METTL15: variants seen among roughly 807,000 people sequenced by gnomAD.
METTL15 encodes the protein methyltransferase 15, mitochondrial 12S rRNA N4-cytidine.
METTL15 carries 34 observed loss-of-function variants against 38.3 expected under a neutral mutation model. The ratio of observed to expected loss-of-function variants is 0.89; its 90% CI spans 0.68 to 1.18. The LOEUF (loss-of-function observed/expected upper bound fraction) is 1.18. METTL15 is among the 50% of genes most tolerant of loss of function. The pLI is 0.00. For missense variants in METTL15, 438 were observed against 498.4 expected (o/e 0.88, Z 1.15); for synonymous variants, 162 against 170.9 (o/e 0.95, Z 0.41).
At chr11:28,361,108 C>G (rs1213062049) in intron 4 of METTL15, among the ~76,000 whole-genome samples, 2 of 150,878 alleles carry the variant, frequency 1.3e-5, no homozygotes, top group Non-Finnish European at 3.0e-5. Context: ...TGAATAGTGC[C>G]GCAATAAACA....
At chr11:28,439,094 G>A (rs1851010402) in intron 6 of METTL15, among the ~76,000 whole-genome samples, 1 of 151,748 alleles carries the variant, frequency 6.6e-6, no homozygotes, top group African/African-American at 2.4e-5. Flanking sequence ...AAAAGTGGAA[G>A]CTGTTACCCT....
intron 3 of METTL15, 50 bp downstream of exon 3, chr11:28,113,654 C>T (rs758833335): frequency 4.5e-6 from 7 of 1,570,984 alleles, no homozygotes; most frequent in Non-Finnish European, 6.1e-6. Context: ...ATAAAATTCA[C>T]TTATTGTAAT....
At chr11:28,229,182 A>G (rs1257086957) in intron 4 of METTL15, among the ~76,000 whole-genome samples, 1 of 152,016 alleles carries the variant, frequency 6.6e-6, no homozygotes, top group African/African-American at 2.4e-5. Context: ...ATTATCATGT[A>G]AGATAATACA....
chr11:28,129,342 A>G (rs573379530), intron 3 of METTL15, among the ~76,000 whole-genome samples: 6 of 152,270 alleles, frequency 3.9e-5, no homozygotes, highest in African/African-American at 1.4e-4. Flanking sequence ...ATACTTTGAC[A>G]TTGGTGTTTG....
intron 3 of METTL15, among the ~76,000 whole-genome samples, chr11:28,165,113 C>T (rs1449725255): frequency 2.0e-5 from 3 of 151,904 alleles, no homozygotes; most frequent in African/African-American, 4.8e-5. Flanking sequence ...AGGTTGATTC[C>T]GTATCTTGGC....
intron 6 of METTL15, among the ~76,000 whole-genome samples, chr11:28,322,555 T>C (rs1002823288): frequency 1.3e-5 from 2 of 152,150 alleles, no homozygotes; most frequent in African/African-American, 2.4e-5. Flanking sequence ...TCATATACTA[T>C]TGATGGAAGT....
chr11:28,189,049 C>T (rs1851608664), intron 3 of METTL15, among the ~76,000 whole-genome samples: 1 of 151,140 alleles, frequency 6.6e-6, no homozygotes. Context: ...GTTTCATTTT[C>T]TAGAACACAT....
chr11:28,415,075 A>G (rs1050146880), intron 5 of METTL15, among the ~76,000 whole-genome samples: 3 of 152,324 alleles, frequency 2.0e-5, no homozygotes, highest in Admixed American at 6.5e-5. Flanking sequence ...CAGAAAATTA[A>G]TATGTTTTGA....
At chr11:28,391,236 A>C (rs896102020) in intron 5 of METTL15, among the ~76,000 whole-genome samples, 3 of 152,138 alleles carry the variant, frequency 2.0e-5, no homozygotes, top group East Asian at 3.9e-4. Context: ...TCTCCTGCCT[A>C]ATTGCCCTGG....
At position 28,353,848 on chromosome 11, in the gene METTL15, C is replaced by T. The variant is rs866555810; in HGVS notation, c.*258+1690C>T. On this transcript the variant is annotated intron_variant and NMD_transcript_variant, in intron 4 of 7. Transcript: ENST00000532947. The stretch of plus-strand genomic sequence containing the variant: ...GCTGAGGCAGGAGAATGGCGTGAAC[C>T]CGGGAAGCGGAGCTTGCAGTGAGCC... Among the ~76,000 whole-genome samples, 7 of 150,818 alleles carry T rather than the reference C, an allele frequency of 4.6e-5. 1 individual carries two copies. The highest frequency in any genetic ancestry group is 1.7e-4 in the African/African-American group (7 of 41,006).
chr11:28,385,516 C>A (rs1050413624), intron 5 of METTL15, among the ~76,000 whole-genome samples: 2 of 151,952 alleles, frequency 1.3e-5, no homozygotes, highest in African/African-American at 2.4e-5. Flanking sequence ...TGTTTTTGTA[C>A]TAGTACCATG....
At chr11:28,199,115 C>T (rs998425019) in intron 3 of METTL15, among the ~76,000 whole-genome samples, 12 of 151,816 alleles carry the variant, frequency 7.9e-5, no homozygotes, top group Admixed American at 2.0e-4. Flanking sequence ...TGTTTGGAGG[C>T]GCAATATTCC....
intron 5 of METTL15, among the ~76,000 whole-genome samples, chr11:28,370,460 T>C (rs1401242920): frequency 6.6e-6 from 1 of 152,090 alleles, no homozygotes; most frequent in Non-Finnish European, 1.5e-5. Context: ...CTTCCATTAA[T>C]GGACTCTTAT....
intron 6 of METTL15, among the ~76,000 whole-genome samples, chr11:28,431,193 C>G (rs1350924356): frequency 9.4e-6 from 1 of 106,768 alleles, no homozygotes; most frequent in Non-Finnish European, 2.2e-5. Flanking sequence ...CCGCCCCGTC[C>G]GGGAGGTGAG....
In METTL15 at chr11:28,426,584, G is replaced by GTTTT. The variant is rs66959082; in HGVS notation, c.*424+2239_*424+2242dup. ...TTTCTCTGTAACCTTGCCAGCATCT[G>GTTTT]TTTTTTTTTTTTTTTTTTTTTTGAC... On this transcript the variant is annotated intron_variant and NMD_transcript_variant, in intron 6 of 7. Coordinates refer to the METTL15 transcript ENST00000532947. Among the ~76,000 whole-genome samples, 160 of 82,252 alleles carry GTTTT rather than the reference G, an allele frequency of 1.9e-3. 2 individuals carry two copies. The highest frequency in any genetic ancestry group is 5.4e-3 in the African/African-American group (102 of 18,830). The allele number at this position is 82,252 out of a possible 152,430, so 54.0% of individuals were successfully genotyped here.
rs1280280222 is a variant in METTL15, at chr11:28,220,857, A to G, written c.407+9659A>G. Among the ~76,000 whole-genome samples, 4 of 152,108 alleles carry G rather than the reference A, an allele frequency of 2.6e-5. No individual in the cohort carries two copies. In the East Asian group the frequency reaches 7.7e-4, roughly 29 times the overall value. On this transcript the variant is annotated intron_variant, in intron 4 of 6. Coordinates refer to ENST00000407364, the MANE Select transcript of METTL15 (RefSeq NM_001113528.2). Reference sequence around the variant, plus strand: ...GCTGGATATGAAATTCTGGATTGAAAATTGTTTTCTTTAAGAATGTTGAAT... The same window carrying G: ...GCTGGATATGAAATTCTGGATTGAAGATTGTTTTCTTTAAGAATGTTGAAT...
intron 6 of METTL15, among the ~76,000 whole-genome samples, chr11:28,328,689 A>T (rs368875228): frequency 6.6e-6 from 1 of 152,128 alleles, no homozygotes; most frequent in Non-Finnish European, 1.5e-5. Context: ...GCCAGTGGTT[A>T]TAAGCTTAAG....
chr11:28,387,566 A>C (rs189594244), intron 5 of METTL15, among the ~76,000 whole-genome samples: 63 of 152,108 alleles, frequency 4.1e-4, no homozygotes, highest in African/African-American at 1.5e-3. Context: ...CCTCCCAGCA[A>C]AGAAAAGCCC....
At chr11:28,368,783 G>T (rs1406810424) in intron 5 of METTL15, among the ~76,000 whole-genome samples, 1 of 152,088 alleles carries the variant, frequency 6.6e-6, no homozygotes, top group Non-Finnish European at 1.5e-5. Flanking sequence ...ACTGGATAAA[G>T]AAAATGTGGC....
Sources: allele counts gnomAD v4.1 joint callset (sites outside exome capture counted in the v4.1 genomes callset), GRCh38; gene constraint gnomAD v4.1.1; transcripts MANE v1.5; gene names NCBI Gene and HGNC (gene_info 2026-07-23, HGNC 2026-07-21).